The following SPTBN4 variants were observed in gnomAD, a reference collection of about 807,000 sequenced individuals.
The protein encoded by SPTBN4 is spectrin beta chain, non-erythrocytic 4.
SPTBN4 carries 96 observed loss-of-function variants against 277.8 expected under a neutral mutation model. That is an observed-to-expected ratio of 0.35 (90% confidence interval 0.29 to 0.41). The LOEUF is 0.41. Among genes scored for constraint, SPTBN4 ranks in the 10% least tolerant of loss-of-function variants. The pLI, the probability that SPTBN4 is intolerant of heterozygous loss-of-function variation, is 1.00. For synonymous variants in SPTBN4, 1,481 were observed against 1,580.3 expected, an observed-to-expected ratio of 0.94 and a Z score of 1.49; for missense variants, 3,006 against 3,595.7, an observed-to-expected ratio of 0.84 and a Z score of 4.19.
intron 6 of SPTBN4, 64 bp downstream of exon 6, chr19:40,495,041 A>G (rs1273451183): frequency 6.8e-6 from 10 of 1,466,706 alleles, no homozygotes; most frequent in African/African-American, 2.8e-5. Context: ...GCAGCTGCAC[A>G]CCTGTACATG....
At chr19:40,535,201 G>C (rs1051995041) in intron 20 of SPTBN4, among the ~76,000 whole-genome samples, 1 of 152,010 alleles carries the variant, frequency 6.6e-6, no homozygotes, top group Admixed American at 6.6e-5. Flanking sequence ...GACCACAAGC[G>C]CATACCACCA....
intron 27 of SPTBN4, 25 bp from the exon 28 acceptor site, chr19:40,565,398 G>C (rs773649404): frequency 1.9e-6 from 3 of 1,601,810 alleles, no homozygotes; most frequent in Non-Finnish European, 2.6e-6. Context: ...CTGTGGCTCA[G>C]ATCCCTGCCT....
rs541546766 is a variant in SPTBN4 at position 40,566,473 on chromosome 19, G to C, written c.6336+114G>C. 1.5e-5 allele frequency: 15 copies of C among 991,866 alleles called. No homozygotes were observed. In the East Asian group the frequency reaches 4.2e-4, roughly 28 times the overall value. The allele number at this position is 991,866 out of a possible 1,614,324, so 61.4% of individuals were successfully genotyped here. On this transcript the variant is annotated intron_variant, in intron 30 of 35. Coordinates refer to ENST00000598249, the MANE Select transcript of SPTBN4 (RefSeq NM_020971.3). ...TGGTGCTTGGTCCTGTGTTGTGTGA[G>C]TGCCAAGACAGACTCTTGCTAGGCT...
In SPTBN4 at chr19:40,565,732, G is replaced by A. The variant is rs756038505; in HGVS notation, c.6126G>A (p.Glu2042=). The A allele has an allele frequency of 7.7e-6, 12 of 1,552,614 alleles. No individual in the cohort carries two copies. In the Admixed American group the frequency reaches 1.2e-4, roughly 15 times the overall value. The change falls in exon 29 of 36, where the codon GAG becomes GAA. Residue 2042 remains glutamate (E), a synonymous_variant. Coordinates refer to ENST00000598249, the MANE Select transcript of SPTBN4 (RefSeq NM_020971.3). ...EVSEKWDRHW[E]WLQQMLEVHQ... ...CGGAAAAGTGGGACCGCCATTGGGA[G>A]TGGCTGCAGCAGAGTGAGTGGGGGC...
chr19:40,491,713 C>CAAAAAA (rs35237688), intron 4 of SPTBN4, among the ~76,000 whole-genome samples: 4,467 of 38,768 alleles, frequency 0.12, 732 homozygotes, highest in African/African-American at 0.23. Flanking sequence ...GACTCTGTCT[C>CAAAAAA]AAAAAAAAAA....
At chr19:40,562,614 C>T (rs982406873) in intron 27 of SPTBN4, among the ~76,000 whole-genome samples, 33 of 148,846 alleles carry the variant, frequency 2.2e-4, no homozygotes, top group African/African-American at 7.9e-4. Flanking sequence ...GTGGGTGGAT[C>T]ACTTGAGGTC....
Position 40,560,579 on chromosome 19 carries a change from G to A in SPTBN4, c.5915+176G>A. The stretch of plus-strand genomic sequence containing the variant: ...GTGTGTATTCAGACCCCTTTTTTAG[G>A]CCTGTCATTGGGGACTTCGGTCATG... On this transcript the variant is annotated intron_variant, in intron 27 of 35. Coordinates refer to ENST00000598249, the MANE Select transcript of SPTBN4 (RefSeq NM_020971.3). This position sits in a 1 kb window ranked among gnomAD's most constrained non-coding sequence, Gnocchi z 5.2. 2.0e-6 allele frequency: 3 copies of A among 1,475,230 alleles called. No homozygotes were observed. Among genetic ancestry groups the A allele is most frequent in the South Asian group, 1.4e-5 (1 of 72,320 alleles). The allele number at this position is 1,475,230 out of a possible 1,614,324, so 91.4% of individuals were successfully genotyped here.
At chr19:40,542,967 C>G (rs1286908198) in intron 20 of SPTBN4, among the ~76,000 whole-genome samples, 1 of 151,980 alleles carries the variant, frequency 6.6e-6, no homozygotes, top group Non-Finnish European at 1.5e-5. Flanking sequence ...TGATCAGTAA[C>G]TCAAATTACG....
chr19:40,500,558 G>A (rs1022093488), intron 7 of SPTBN4, among the ~76,000 whole-genome samples: 4 of 152,230 alleles, frequency 2.6e-5, no homozygotes, highest in Non-Finnish European at 4.4e-5. Context: ...AGTGGCCCAC[G>A]CCTATAGTCC....
chr19:40,522,412 G>A (rs1157700468), intron 16 of SPTBN4, among the ~76,000 whole-genome samples: 9 of 147,964 alleles, frequency 6.1e-5, no homozygotes, highest in Admixed American at 2.7e-4. Flanking sequence ...GTGCAGTGGC[G>A]TGATCTTGGC....
At chr19:40,555,865 T>TG (rs1161094980) in intron 24 of SPTBN4, among the ~76,000 whole-genome samples, 7 of 150,962 alleles carry the variant, frequency 4.6e-5, no homozygotes, top group Non-Finnish European at 1.0e-4. Flanking sequence ...TGCAGTGAGT[T>TG]GTGATCACAC....
intron 15 of SPTBN4, among the ~76,000 whole-genome samples, chr19:40,517,365 C>T (rs2080472814): frequency 6.6e-6 from 1 of 151,802 alleles, no homozygotes; most frequent in Admixed American, 6.6e-5. Context: ...TCATGGCTCA[C>T]TACAGCCTTC....
intron 4 of SPTBN4, among the ~76,000 whole-genome samples, chr19:40,491,218 C>A (rs531562114): frequency 7.2e-5 from 11 of 152,136 alleles, no homozygotes; most frequent in Admixed American, 5.2e-4. Context: ...AGGCAGGGGG[C>A]ACAGCAGATG....
In SPTBN4 at chr19:40,502,673, G is replaced by A; in HGVS notation, c.1204-102G>A. 1 of 1,513,766 alleles carries A rather than the reference G, an allele frequency of 6.6e-7. No homozygotes were observed. The highest frequency in any genetic ancestry group is 8.9e-7 in the Non-Finnish European group (1 of 1,126,596). The allele number at this position is 1,513,766 out of a possible 1,614,324, so 93.8% of individuals were successfully genotyped here. On this transcript the variant is annotated intron_variant, in intron 10 of 35. Coordinates refer to ENST00000598249, the MANE Select transcript of SPTBN4 (RefSeq NM_020971.3). The surrounding 1 kb of genome is among the most constrained non-coding windows in gnomAD (Gnocchi z 4.9). ...AAGGAAGCAATATTTTTTCCAATTT[G>A]CATGAAGTTGCCATAATGCTATGAG...
chr19:40,573,505 T>TG (rs1462679388), intron 35 of SPTBN4, among the ~76,000 whole-genome samples: 1 of 152,180 alleles, frequency 6.6e-6, no homozygotes, highest in African/African-American at 2.4e-5. Flanking sequence ...CTAAGGGCAC[T>TG]GGAGAGCTAG....
At chr19:40,531,080 T>A (rs1325758352) in intron 18 of SPTBN4, among the ~76,000 whole-genome samples, 1 of 151,706 alleles carries the variant, frequency 6.6e-6, no homozygotes, top group East Asian at 1.9e-4. Context: ...GGATTTTCTC[T>A]GGGTCTAGGG....
At chr19:40,497,030 G>A (rs1017634721) in intron 6 of SPTBN4, among the ~76,000 whole-genome samples, 3 of 137,286 alleles carry the variant, frequency 2.2e-5, no homozygotes, top group South Asian at 2.2e-4. Flanking sequence ...CTGGGATCGC[G>A]CCCCTGCACT....
intron 1 of SPTBN4, among the ~76,000 whole-genome samples, chr19:40,471,504 G>A (rs1227388419): frequency 6.6e-6 from 1 of 152,176 alleles, no homozygotes; most frequent in Non-Finnish European, 1.5e-5. Context: ...AATTTGCTGA[G>A]CCCTTAATAT....
In SPTBN4 at chr19:40,532,778, A is replaced by G; in HGVS notation, c.4095+7A>G. 6.2e-7 allele frequency: 1 copy of G among 1,607,128 alleles called. No individual in the cohort carries two copies. Among genetic ancestry groups the G allele is most frequent in the Non-Finnish European group, 8.5e-7 (1 of 1,176,194 alleles). On this transcript the variant is annotated splice_region_variant and intron_variant, in intron 19 of 35. Transcript: ENST00000598249. ...GCTGGAGAAGATCGAGCGGGTGAGGAAGCTGATGGCCCCTCTGCCTGTGCC... is the reference window on the plus strand; with the variant it reads ...GCTGGAGAAGATCGAGCGGGTGAGGGAGCTGATGGCCCCTCTGCCTGTGCC...
Sources: allele counts gnomAD v4.1 joint callset (sites outside exome capture counted in the v4.1 genomes callset), GRCh38; gene constraint gnomAD v4.1.1; non-coding constraint Gnocchi (gnomAD v3.1); transcripts MANE v1.5; gene names NCBI Gene and HGNC (gene_info 2026-07-23, HGNC 2026-07-21).